ARRDC5: variants seen among roughly 807,000 people sequenced by gnomAD.
ARRDC5 encodes arrestin domain-containing protein 5.
In ARRDC5, 12 loss-of-function variants were observed where a neutral mutation model predicts 13.3. The observed-to-expected ratio is 0.90, with a 90% confidence interval of 0.58 to 1.46. The LOEUF (loss-of-function observed/expected upper bound fraction) is 1.46, where lower values mean the gene tolerates loss of function less well. Ranked by LOEUF, ARRDC5 falls within the 40% of genes most tolerant of loss-of-function variation. The probability of loss-of-function intolerance (pLI) is 0.00; values close to 1 mark genes in which losing one functional copy is unlikely to be tolerated. For synonymous variants in ARRDC5, 181 were observed against 173.4 expected (o/e 1.04, Z -0.34); for missense variants, 406 against 418.7 (o/e 0.97, Z 0.26).
upstream of ARRDC5, among the ~76,000 whole-genome samples, chr19:4,904,126 G>A (rs2656928): frequency 0.19 from 28,620 of 151,668 alleles, 3,405 homozygotes; most frequent in Admixed American, 0.27. Context: ...ACGGGCATGG[G>A]GGTTACAGGC....
At chr19:4,915,800 T>A in the ARRDC5 span, among the ~76,000 whole-genome samples, 1 of 152,172 alleles carries the variant, frequency 6.6e-6, no homozygotes, top group Non-Finnish European at 1.5e-5. Flanking sequence ...TTAGATTGCA[T>A]ACTTTAATCC....
At chr19:4,901,234 G>A (rs1599221384) in intron 1 of ARRDC5, among the ~76,000 whole-genome samples, 1 of 152,082 alleles carries the variant, frequency 6.6e-6, no homozygotes, top group Non-Finnish European at 1.5e-5. Flanking sequence ...TGAGAGGATC[G>A]CTTATGCCAG....
intron 2 of ARRDC5, among the ~76,000 whole-genome samples, chr19:4,891,828 C>A (rs1266717995): frequency 6.6e-6 from 1 of 151,836 alleles, no homozygotes; most frequent in African/African-American, 2.4e-5. Flanking sequence ...GATGGAGCAT[C>A]CCTGTAATCC....
At chr19:4,898,164 TG>T (rs1369788246) in intron 1 of ARRDC5, among the ~76,000 whole-genome samples, 8 of 152,146 alleles carry the variant, frequency 5.3e-5, no homozygotes, top group Non-Finnish European at 8.8e-5. Flanking sequence ...TGACCTTCAG[TG>T]CATGGTATAC....
intron 1 of ARRDC5, among the ~76,000 whole-genome samples, chr19:4,897,942 C>T (rs1194961586): frequency 1.3e-5 from 2 of 152,126 alleles, no homozygotes; most frequent in East Asian, 3.9e-4. Flanking sequence ...CAAAAATTAG[C>T]CGGGTGTGGT....
Position 4,902,657 on chromosome 19 carries a change from C to T in ARRDC5, c.169G>A (p.Gly57Arg), listed in dbSNP as rs764893524. Residue 57 changes from glycine (G) to arginine (R), a missense_variant, in exon 1 of 3, where the codon GGG (glycine) becomes AGG (arginine). Coordinates refer to ENST00000650722, the MANE Select transcript of ARRDC5 (RefSeq NM_001080523.3). ...RGYVEWSEEA[G>R]ASCDYSRNVI... ...TTTCTGCTATAATCACAGGATGCCC[C>T]GGCTTCTTCACTCCATTCGACGTAA... 17 of 1,613,878 alleles carry T rather than the reference C, an allele frequency of 1.1e-5. No homozygotes were observed. Among genetic ancestry groups the T allele is most frequent in the Middle Eastern group, 1.6e-4 (1 of 6,084 alleles).
chr19:4,909,852 T>G, the ARRDC5 span: 9 of 385,602 alleles, frequency 2.3e-5, no homozygotes, highest in Non-Finnish European at 4.1e-5. Context: ...GGACCAGCGC[T>G]GCGTCCCCGG....
intron 2 of ARRDC5, among the ~76,000 whole-genome samples, chr19:4,896,413 TAA>T (rs1568396153): frequency 1.5e-5 from 2 of 135,316 alleles, no homozygotes; most frequent in African/African-American, 5.6e-5. Flanking sequence ...CACATATATA[TAA>T]TTTTATTTTA....
At chr19:4,910,068 A>C in the ARRDC5 span, 3 of 151,716 alleles carry the variant, frequency 2.0e-5, no homozygotes, top group Non-Finnish European at 2.9e-5. Context: ...GGAGCCAATA[A>C]GAGGCGGCTC....
chr19:4,896,753 C>A lies in ARRDC5; in HGVS notation c.377G>T (p.Gly126Val). 1 of 1,613,632 alleles carries A rather than the reference C, an allele frequency of 6.2e-7. No homozygotes were observed. Among genetic ancestry groups the A allele is most frequent in the Non-Finnish European group, 8.5e-7 (1 of 1,179,668 alleles). ...VFYFVQASCM[G>V]REHILAKKRM... The stretch of plus-strand genomic sequence containing the variant: ...CTTCTTGGCTAAAATGTGTTCCCTG[C>A]CCATGCAGGAAGCTTGTACGAAATA... Residue 126 changes from glycine (G) to valine (V), a missense_variant, in exon 2 of 3, where the codon GGC becomes GTC. Gly to Val is a moderately radical substitution (Grantham distance 109). Transcript: ENST00000650722.
At chr19:4,896,361 T>TAC (rs71170877) in intron 2 of ARRDC5, among the ~76,000 whole-genome samples, 5,051 of 84,778 alleles carry the variant, frequency 0.06, 247 homozygotes, top group East Asian at 0.18. Flanking sequence ...TTTTTTTTTT[T>TAC]ACACACACAC....
chr19:4,907,018 A>C (rs1353120758), upstream of ARRDC5, among the ~76,000 whole-genome samples: 3 of 152,232 alleles, frequency 2.0e-5, no homozygotes. Context: ...GGTTGCAAAC[A>C]GTGAACAGCA....
At chr19:4,899,447 A>G (rs1041882166) in intron 1 of ARRDC5, among the ~76,000 whole-genome samples, 1 of 151,574 alleles carries the variant, frequency 6.6e-6, no homozygotes, top group Admixed American at 6.6e-5. Context: ...CCTGGCCAAC[A>G]TGGTGAAACC....
intron 1 of ARRDC5, among the ~76,000 whole-genome samples, chr19:4,899,865 G>C (rs2031858578): frequency 6.6e-6 from 1 of 150,620 alleles, no homozygotes; most frequent in Non-Finnish European, 1.5e-5. Flanking sequence ...CGAGAACCCG[G>C]GAGGCGGAGC....
At chr19:4,911,133 C>T in the ARRDC5 span, 39 of 1,254,744 alleles carry the variant, frequency 3.1e-5, no homozygotes, top group Admixed American at 1.5e-4. Flanking sequence ...ACCTCCCCCC[C>T]CAACAACCTC....
rs1407717173 is a variant in ARRDC5 at position 4,896,348 on chromosome 19, A to ATATATAT, written c.459+322_459+323insATATATA. 5.0e-5 allele frequency among the ~76,000 whole-genome samples: 3 copies of ATATATAT among 59,590 alleles called. 1 individual carries two copies. Among genetic ancestry groups the ATATATAT allele is most frequent in the African/African-American group, 1.9e-4 (3 of 15,700 alleles). The allele number at this position is 59,590 out of a possible 152,430, so 39.1% of individuals were successfully genotyped here. A position where few individuals can be genotyped will look rare whatever the true frequency, so the allele number is the denominator to read the frequency against. On this transcript the variant is annotated intron_variant, in intron 2 of 2. Transcript: ENST00000650722. ...AAAAAAAATATATATATATATATATATTTTTTTTTTTTTACACACACACAC... is the reference window on the plus strand; with the variant it reads ...AAAAAAAATATATATATATATATATATATATATTTTTTTTTTTTTTACACACACACAC...
At chr19:4,914,715 A>G in the ARRDC5 span, among the ~76,000 whole-genome samples, 1 of 149,294 alleles carries the variant, frequency 6.7e-6, no homozygotes, top group Admixed American at 6.7e-5. Context: ...CGGCACCTTT[A>G]ACCTGCTCGG....
chr19:4,909,399 C>A, the ARRDC5 span: 1 of 644,388 alleles, frequency 1.6e-6, no homozygotes, highest in South Asian at 1.6e-5. Context: ...TTTCTCGCTT[C>A]CCGCCACTGC....
At chr19:4,900,976 G>A (rs1384802909) in intron 1 of ARRDC5, among the ~76,000 whole-genome samples, 1 of 151,218 alleles carries the variant, frequency 6.6e-6, no homozygotes, top group South Asian at 2.1e-4. Flanking sequence ...CCAAGATTAC[G>A]CCACTGCACT....
Sources: gnomAD v4.1 joint callset for allele counts (sites outside exome capture counted in the v4.1 genomes callset) on GRCh38, gnomAD v4.1.1 for gene constraint, MANE v1.5 for transcripts, NCBI Gene and HGNC (gene_info 2026-07-23, HGNC 2026-07-21) for gene names.